LPA: variants seen among roughly 807,000 people sequenced by gnomAD.
LPA encodes the protein lipoprotein(a), also known as apolipoprotein(a).
A neutral mutation model predicts 197.9 loss-of-function variants in LPA; 199 were observed. That is an observed-to-expected ratio of 1.01 (90% CI 0.90 to 1.13). The LOEUF (loss-of-function observed/expected upper bound fraction) is 1.13. LPA is among the 50% of genes most tolerant of loss of function. The pLI is 0.00. For missense variants in LPA, 1,853 were observed against 1,785.8 expected (o/e 1.04, Z -0.68); for synonymous variants, 715 against 639.5 (o/e 1.12, Z -1.78).
At chr6:160,549,421 A>G (rs960522012) in intron 30 of LPA, among the ~76,000 whole-genome samples, 3 of 152,208 alleles carry the variant, frequency 2.0e-5, no homozygotes, top group Non-Finnish European at 4.4e-5. Flanking sequence ...TGTTATGCAT[A>G]TACAAATGCG....
intron 22 of LPA, among the ~76,000 whole-genome samples, chr6:160,593,036 C>T (rs996658294): frequency 2.6e-5 from 4 of 152,150 alleles, no homozygotes; most frequent in Admixed American, 2.0e-4. Flanking sequence ...TAGCCAAAGC[C>T]TTGAGAAGAC....
At chr6:160,646,993 G>C (rs372619968) in intron 2 of LPA, among the ~76,000 whole-genome samples, 18 of 152,156 alleles carry the variant, frequency 1.2e-4, no homozygotes, top group African/African-American at 3.9e-4. Context: ...ATTACTGTCT[G>C]TCATTCCCAT....
At position 160,609,530 on chromosome 6, in the gene LPA, T is replaced by C. The variant is rs190797053; in HGVS notation, c.2603+2032A>G. 3.3e-5 allele frequency among the ~76,000 whole-genome samples: 5 copies of C among 152,226 alleles called. No homozygotes were observed. In the East Asian group the frequency reaches 7.7e-4, roughly 23 times the overall value. On this transcript the variant is annotated intron_variant, in intron 16 of 38. Coordinates refer to ENST00000316300, the MANE Select transcript of LPA (RefSeq NM_005577.4). ...GAGAAGTGCATCATGTAGTTTTTTT[T>C]CTCGAAATTTCCTATTTGATCCCTT...
rs1437869346 is a variant in LPA at position 160,553,933 on chromosome 6, C to CTGTGTGTG, written c.4973+2091_4973+2092insCACACACA. ...TCTCTCTCTCTTTCTCTCTCTCTCT[C>CTGTGTGTG]TCTCTGTGTGTGTGTGTGTGTGCGC... is the stretch of plus-strand genomic sequence containing the variant. On this transcript the variant is annotated intron_variant, in intron 30 of 38. Transcript: ENST00000316300. Among the ~76,000 whole-genome samples, 328 of 68,900 alleles carry CTGTGTGTG rather than the reference C, an allele frequency of 4.8e-3. 1 individual carries two copies. Among genetic ancestry groups the CTGTGTGTG allele is most frequent in the African/African-American group, 0.013 (311 of 23,312 alleles). The allele number at this position is 68,900 out of a possible 152,430, so 45.2% of individuals were successfully genotyped here. A position where few individuals can be genotyped will look rare whatever the true frequency, so the allele number is the denominator to read the frequency against.
intron 20 of LPA, among the ~76,000 whole-genome samples, chr6:160,598,209 G>GT (rs527597604): frequency 4.1e-4 from 62 of 152,150 alleles, no homozygotes; most frequent in South Asian, 1.2e-3. Context: ...AATATATGGT[G>GT]TTTTTTTGCC....
At chr6:160,599,751 T>A (rs771821548) in intron 19 of LPA, 92 bp from the exon 20 acceptor site, 14 of 1,397,200 alleles carry the variant, frequency 1.0e-5, no homozygotes, top group Non-Finnish European at 1.4e-5. Context: ...AAAGAGTCAC[T>A]GAGATTTACA....
chr6:160,577,681 T>C (rs1416826003), intron 27 of LPA, among the ~76,000 whole-genome samples: 2 of 152,154 alleles, frequency 1.3e-5, no homozygotes, highest in African/African-American at 4.8e-5. Context: ...ACAAGACCCT[T>C]GCGCATTTCC....
In LPA at chr6:160,606,375, C is replaced by A. The variant is rs1401443615; in HGVS notation, c.2785+102G>T. ...TACATGACAGAACTCAGTCAACACTCGAGCATCCGTTTACCATTGGAGGCT... is the reference window on the plus strand; with the variant it reads ...TACATGACAGAACTCAGTCAACACTAGAGCATCCGTTTACCATTGGAGGCT... On this transcript the variant is annotated intron_variant, in intron 17 of 38. Coordinates refer to ENST00000316300, the MANE Select transcript of LPA (RefSeq NM_005577.4). 15 of 1,498,388 alleles carry A rather than the reference C, an allele frequency of 1.0e-5. No homozygotes were observed. The South Asian group carries it at 1.6e-4, about 16-fold the overall frequency. The allele number at this position is 1,498,388 out of a possible 1,614,324, so 92.8% of individuals were successfully genotyped here.
intron 2 of LPA, among the ~76,000 whole-genome samples, chr6:160,648,232 C>G (rs1271758249): frequency 6.6e-6 from 1 of 152,176 alleles, no homozygotes; most frequent in Non-Finnish European, 1.5e-5. Flanking sequence ...TAGCAAGACA[C>G]AGCTTTTTGT....
intron 1 of LPA, among the ~76,000 whole-genome samples, chr6:160,651,261 AT>A (rs1780000814): frequency 6.6e-6 from 1 of 152,226 alleles, no homozygotes; most frequent in Non-Finnish European, 1.5e-5. Context: ...TTGAGCATTC[AT>A]TAAGAAGAAA....
chr6:160,620,880 TGTGA>T (rs1354430282), intron 12 of LPA, among the ~76,000 whole-genome samples: 4 of 40,776 alleles, frequency 9.8e-5, no homozygotes, highest in Non-Finnish European at 1.7e-4. Context: ...TCTGCGTGTG[TGTGA>T]GTATGGGTGT....
At chr6:160,599,454 C>T (rs1255748219) in intron 20 of LPA, 46 bp downstream of exon 20, 3 of 1,610,486 alleles carry the variant, frequency 1.9e-6, no homozygotes, top group Admixed American at 1.7e-5. Flanking sequence ...CTAACAGAAA[C>T]TTCCATTGGC....
intron 1 of LPA, among the ~76,000 whole-genome samples, chr6:160,654,050 A>ATTAT (rs1562354958): frequency 1.2e-4 from 1 of 8,360 alleles, no homozygotes; most frequent in African/African-American, 4.6e-4. Context: ...TATAATATAT[A>ATTAT]ATATATTATA....
chr6:160,558,771 G>A (rs1234099984), intron 28 of LPA, among the ~76,000 whole-genome samples: 6 of 152,136 alleles, frequency 3.9e-5, no homozygotes, highest in African/African-American at 1.4e-4. Context: ...GGGGTGGAGG[G>A]ATCTTAGAGA....
rs1417831609 is a variant in LPA at position 160,556,962 on chromosome 6, TATC to T, written c.4813+425_4813+427del. ...TAGCCCCAGGATTAGATGGAATAAA[TATC>T]ATCATATTAGGTTTCCCCAGGATGA... On this transcript the variant is annotated intron_variant, in intron 29 of 38. Coordinates refer to ENST00000316300, the MANE Select transcript of LPA (RefSeq NM_005577.4). Among the ~76,000 whole-genome samples the T allele has an allele frequency of 8.5e-5, 13 of 152,252 alleles. No homozygotes were observed. The East Asian group carries it at 1.7e-3, about 20-fold the overall frequency.
intron 16 of LPA, among the ~76,000 whole-genome samples, chr6:160,610,177 A>G (rs1171513918): frequency 6.6e-6 from 1 of 152,070 alleles, no homozygotes; most frequent in Non-Finnish European, 1.5e-5. Flanking sequence ...TTCTACACGT[A>G]GTCAAATTTT....
intron 32 of LPA, among the ~76,000 whole-genome samples, chr6:160,547,553 C>T (rs1198365612): frequency 6.6e-6 from 1 of 152,090 alleles, no homozygotes; most frequent in African/African-American, 2.4e-5. Context: ...AGAGGACAAG[C>T]ACTAGAAACG....
chr6:160,607,635 A>G (rs9457952), intron 16 of LPA, among the ~76,000 whole-genome samples: 7,535 of 152,128 alleles, frequency 0.05, 691 homozygotes, highest in African/African-American at 0.17. Flanking sequence ...CCTCACATTC[A>G]TGACCTGTGG....
chr6:160,532,099 A>AAAAAAT (rs1338822811), intron 38 of LPA, among the ~76,000 whole-genome samples: 5 of 152,212 alleles, frequency 3.3e-5, no homozygotes, highest in African/African-American at 1.2e-4. Context: ...TTCCTGGGAA[A>AAAAAAT]AAAAATAATC....
Sources: allele counts gnomAD v4.1 joint callset (sites outside exome capture counted in the v4.1 genomes callset), GRCh38; gene constraint gnomAD v4.1.1; transcripts MANE v1.5; gene names NCBI Gene and HGNC (gene_info 2026-07-23, HGNC 2026-07-21).